The following SIRT7 variants were observed in gnomAD, a reference collection of about 807,000 sequenced individuals.
SIRT7 encodes the protein sirtuin 7.
In SIRT7, 32 loss-of-function variants were observed where a neutral mutation model predicts 42.8. The ratio of observed to expected loss-of-function variants is 0.75; its 90% confidence interval spans 0.56 to 1.00. SIRT7 has a LOEUF of 1.00. Ranked by LOEUF, SIRT7 falls within the 50% of genes least tolerant of loss-of-function variation. The probability of loss-of-function intolerance (pLI) is 0.00; values close to 1 mark genes in which losing one functional copy is unlikely to be tolerated. For synonymous variants in SIRT7, 297 were observed against 245.2 expected (o/e 1.21, Z -1.97); for missense variants, 553 against 572.2 (o/e 0.97, Z 0.34).
chr17:81,913,736 A>T lies in SIRT7; in HGVS notation c.1004+38T>A. The T allele has an allele frequency of 6.8e-7, 1 of 1,474,272 alleles. No homozygotes were observed. Among genetic ancestry groups the T allele is most frequent in the South Asian group, 1.2e-5 (1 of 82,420 alleles). 91.3% of individuals were successfully genotyped at this position (1,474,272 alleles called of 1,614,324 possible). A position where few individuals can be genotyped will look rare whatever the true frequency, so the allele number is the denominator to read the frequency against. Reference sequence around the variant, plus strand: ...AAGACAGACAAGGCCCAGCACACAGAGGTGCGGGGAAGCAGGCTGCTGCAG... The same window carrying T: ...AAGACAGACAAGGCCCAGCACACAGTGGTGCGGGGAAGCAGGCTGCTGCAG... On this transcript the variant is annotated intron_variant, in intron 9 of 9. Coordinates refer to ENST00000328666, the MANE Select transcript of SIRT7 (RefSeq NM_016538.3). This position sits in a 1 kb window ranked among gnomAD's most constrained non-coding sequence, Gnocchi z 5.0.
At chr17:81,915,845 G>A in intron 3 of SIRT7, 164 bp from the exon 4 acceptor site, 1 of 744,422 alleles carries the variant, frequency 1.3e-6, no homozygotes, top group Non-Finnish European at 2.3e-6. Flanking sequence ...CCCATATGGA[G>A]TGTACCCCAA....
In SIRT7 at chr17:81,913,544, T is replaced by C; in HGVS notation, c.1004+230A>G. 1 of 533,136 alleles carries C rather than the reference T, an allele frequency of 1.9e-6. No homozygotes were observed. The highest frequency in any genetic ancestry group is 2.0e-5 in the South Asian group (1 of 49,884). The allele number at this position is 533,136 out of a possible 1,614,324, so 33.0% of individuals were successfully genotyped here. ...AGCAGGAGCACGCGGGCAGAATCCC[T>C]CTCCCCGCGGGGATTGTGTGTGCCA... On this transcript the variant is annotated intron_variant, in intron 9 of 9. Transcript: ENST00000328666. The surrounding 1 kb of genome is among the most constrained non-coding windows in gnomAD (Gnocchi z 5.0).
chr17:81,914,794 C>T (rs772537425), intron 5 of SIRT7, 92 bp from the exon 6 acceptor site: 46 of 1,052,448 alleles, frequency 4.4e-5, no homozygotes, highest in Admixed American at 7.2e-5. Context: ...TTCTGAGCCC[C>T]GCCGATGGCT....
At chr17:81,914,775 G>A (rs1244308753) in intron 5 of SIRT7, 73 bp from the exon 6 acceptor site, 3 of 1,291,930 alleles carry the variant, frequency 2.3e-6, no homozygotes, top group South Asian at 2.4e-5. Flanking sequence ...CCCGGCCACA[G>A]CGAGGCTGTT....
At chr17:81,915,753 G>A (rs2040785064) in intron 3 of SIRT7, 72 bp from the exon 4 acceptor site, 21 of 1,530,384 alleles carry the variant, frequency 1.4e-5, no homozygotes, top group Admixed American at 7.2e-5. Context: ...TCCCAGAAAC[G>A]GAAAGCCACT....
At chr17:81,916,236 C>T (rs1405044528) in intron 3 of SIRT7, 1 of 156,844 alleles carries the variant, frequency 6.4e-6, no homozygotes, top group Non-Finnish European at 1.4e-5. Context: ...AGAGGGCACA[C>T]AAGATATGCC....
intron 7 of SIRT7, 24 bp from the exon 8 acceptor site, chr17:81,914,191 C>A: frequency 6.2e-7 from 1 of 1,613,474 alleles, no homozygotes; most frequent in East Asian, 2.2e-5. Flanking sequence ...CAGACAGACA[C>A]CGCACACACA....
chr17:81,917,735 G>A lies in SIRT7; in HGVS notation c.232-16C>T, dbSNP rs759096341. On this transcript the variant is annotated splice_polypyrimidine_tract_variant and intron_variant, in intron 2 of 9. Transcript: ENST00000328666. ...CGTCGCACACCTGCCAAGACGCCAG[G>A]GTGGTCACCGCCCCGGGCCGCCCCA... 1.2e-5 allele frequency: 19 copies of A among 1,550,744 alleles called. No homozygotes were observed. Among genetic ancestry groups the A allele is most frequent in the South Asian group, 9.6e-5 (8 of 83,484 alleles).
intron 3 of SIRT7, chr17:81,915,955 C>T: frequency 2.2e-6 from 1 of 464,514 alleles, no homozygotes; most frequent in Admixed American, 3.4e-5. Context: ...GCCTCTCTGG[C>T]ACCGAGCACA....
rs552020219 is a variant in SIRT7, at chr17:81,914,149, G to A, written c.835C>T (p.Arg279Cys). The part of the protein sequence containing the change: ...SSLKVLKKYP[R>C]LWCMTKPPSR... ...GGGGGCTTGGTCATGCACCAGAGGC[G>A]TGGGTACTTCTTTAGAACCTGTGGA... Residue 279 changes from arginine (R) to cysteine (C), a missense_variant, in exon 8 of 10, where the codon CGC becomes TGC. Transcript: ENST00000328666. 92 of 1,613,630 alleles carry A rather than the reference G, an allele frequency of 5.7e-5. No individual in the cohort carries two copies. The highest frequency in any genetic ancestry group is 4.7e-4 in the East Asian group (21 of 44,890).
rs774751105 is a variant in SIRT7 at position 81,912,371 on chromosome 17, A to C, written c.*45T>G. On this transcript the variant is annotated 3_prime_UTR_variant, in exon 10 of 10. Coordinates refer to ENST00000328666, the MANE Select transcript of SIRT7 (RefSeq NM_016538.3). ...GGGGCAACCCAGCCTTCACCGTGAC[A>C]CTGGCCATCTGCAAAGTGCCAACTG... The C allele has an allele frequency of 1.2e-6, 2 of 1,611,080 alleles. No individual in the cohort carries two copies. Among genetic ancestry groups the C allele is most frequent in the Non-Finnish European group, 1.7e-6 (2 of 1,177,532 alleles).
At chr17:81,916,042 C>T (rs933245615) in intron 3 of SIRT7, 7 of 313,408 alleles carry the variant, frequency 2.2e-5, no homozygotes, top group Non-Finnish European at 3.8e-5. Flanking sequence ...CCCCCAGGGC[C>T]GAGCCCACAG....
chr17:81,914,107 G>A lies in SIRT7; in HGVS notation c.877C>T (p.Leu293Phe). ...GTTACCTGCAGGTTCACGATGTAAA[G>A]CTTCGGCCGCCGGCTAGGGGGCTTG... ...MTKPPSRRPK[L>F]YIVNLQWTPK... The change falls in exon 8 of 10, where the codon CTT (leucine) becomes TTT (phenylalanine). Residue 293 changes from leucine (L) to phenylalanine (F), a missense_variant. Transcript: ENST00000328666. 1 of 1,613,556 alleles carries A rather than the reference G, an allele frequency of 6.2e-7. No individual in the cohort carries two copies. Among genetic ancestry groups the A allele is most frequent in the Non-Finnish European group, 8.5e-7 (1 of 1,180,016 alleles).
At position 81,912,172 on chromosome 17, in the gene SIRT7, G is replaced by GA; in HGVS notation, c.*243dup. 1.7e-6 allele frequency: 1 copy of GA among 573,386 alleles called. No individual in the cohort carries two copies. The highest frequency in any genetic ancestry group is 3.1e-6 in the Non-Finnish European group (1 of 322,678). The allele number at this position is 573,386 out of a possible 1,614,324, so 35.5% of individuals were successfully genotyped here. On this transcript the variant is annotated 3_prime_UTR_variant, in exon 10 of 10. Transcript: ENST00000328666. ...AAATAACCCGAGTTCCGTTCTCACA[G>GA]AAAGGTGCGGCTGCCACCTCTTGAC...
chr17:81,917,604 T>C lies in SIRT7; in HGVS notation c.336+11A>G. 1 of 1,588,170 alleles carries C rather than the reference T, an allele frequency of 6.3e-7. No individual in the cohort carries two copies. The highest frequency in any genetic ancestry group is 2.3e-5 in the East Asian group (1 of 43,084). ...CTCCGTCCTGGGGTACGCCTCCGCCTCCCTCCCTACCGTGCTGATTCCCGC... is the reference window on the plus strand; with the variant it reads ...CTCCGTCCTGGGGTACGCCTCCGCCCCCCTCCCTACCGTGCTGATTCCCGC... On this transcript the variant is annotated intron_variant, in intron 3 of 9. Coordinates refer to ENST00000328666, the MANE Select transcript of SIRT7 (RefSeq NM_016538.3).
At chr17:81,912,782 G>C in intron 9 of SIRT7, 168 bp from the exon 10 acceptor site, 1 of 726,976 alleles carries the variant, frequency 1.4e-6, no homozygotes, top group South Asian at 1.6e-5. Context: ...CCAAGCTGCA[G>C]AACGGATGTG....
chr17:81,915,586 G>A (rs2040780037), intron 4 of SIRT7, 25 bp downstream of exon 4: 2 of 1,613,340 alleles, frequency 1.2e-6, no homozygotes, highest in Admixed American at 1.7e-5. Context: ...CAGCCTATGT[G>A]GGAGGCCATG....
intron 5 of SIRT7, chr17:81,914,965 G>A (rs1357146272): frequency 2.6e-5 from 14 of 544,132 alleles, no homozygotes; most frequent in East Asian, 2.2e-4. Context: ...AGGTTGCACC[G>A]TCCCGGCAAG....
rs773731851 is a variant in SIRT7 at position 81,912,515 on chromosome 17, C to A, written c.1104G>T (p.Pro368=). Residue 368 remains proline, a synonymous_variant, in exon 10 of 10, where the codon CCG becomes CCT. Transcript: ENST00000328666. ...KSLCRSREEA[P]PGDRGAPLSS... is the part of the protein sequence containing the mutation. ...TAAGCGGTGCACCCCGGTCCCCAGG[C>A]GGGGCCTCCTCTCTGCTTCTGCACA... 4 of 1,613,802 alleles carry A rather than the reference C, an allele frequency of 2.5e-6. No homozygotes were observed. Among genetic ancestry groups the A allele is most frequent in the Middle Eastern group, 1.6e-4 (1 of 6,062 alleles).
Sources: allele counts gnomAD v4.1 joint callset, GRCh38; gene constraint gnomAD v4.1.1; non-coding constraint Gnocchi (gnomAD v3.1); transcripts MANE v1.5; gene names NCBI Gene and HGNC (gene_info 2026-07-23, HGNC 2026-07-21).